Variants in ABLIM2 observed in about 807,000 individuals in gnomAD.
ABLIM2 encodes actin binding LIM protein family member 2.
Under a neutral mutation model 97.7 loss-of-function variants are expected in ABLIM2, and 53 were observed. The observed-to-expected ratio is 0.54, with a 90% CI of 0.44 to 0.68. The LOEUF is 0.68. ABLIM2 is among the 30% of genes least tolerant of loss of function. The pLI, the probability that ABLIM2 is intolerant of heterozygous loss-of-function variation, is 0.00. For synonymous variants in ABLIM2, 361 were observed against 345.8 expected, an observed-to-expected ratio of 1.04 and a Z score of -0.49; for missense variants, 835 against 867.2, an observed-to-expected ratio of 0.96 and a Z score of 0.47.
rs1407637055 is a variant in ABLIM2, at chr4:8,087,927, C to T, written c.454+242G>A. Among the ~76,000 whole-genome samples, 2 of 151,802 alleles carry T rather than the reference C, an allele frequency of 1.3e-5. No individual in the cohort carries two copies. The highest frequency in any genetic ancestry group is 2.9e-5 in the Non-Finnish European group (2 of 67,930). On this transcript the variant is annotated intron_variant, in intron 4 of 20. Transcript: ENST00000447017. This position sits in a 1 kb window ranked among gnomAD's most constrained non-coding sequence, Gnocchi z 4.6. ...TGCAGCTGCTGCTGCTCTGGGTCCC[C>T]GTTTCTCAGGCTCTGTCCCTGGGCA...
At chr4:8,143,463 T>C (rs368942669) in intron 1 of ABLIM2, among the ~76,000 whole-genome samples, 157 of 152,106 alleles carry the variant, frequency 1.0e-3, no homozygotes, top group South Asian at 7.7e-3. Context: ...AGGGCACGGA[T>C]GAAATTCCTC....
At chr4:8,088,469 G>C (rs1454773477) in intron 3 of ABLIM2, among the ~76,000 whole-genome samples, 185 bp from the exon 4 acceptor site, 1 of 152,194 alleles carries the variant, frequency 6.6e-6, no homozygotes, top group African/African-American at 2.4e-5. Flanking sequence ...TAGGACCTCA[G>C]GTAGTCATCG....
chr4:8,107,174 C>T (rs1265819100), intron 1 of ABLIM2, among the ~76,000 whole-genome samples: 4 of 152,366 alleles, frequency 2.6e-5, no homozygotes, highest in East Asian at 1.9e-4. Flanking sequence ...AATATTGCTG[C>T]GGTCCCCTTA....
chr4:8,089,780 G>T (rs989709006), intron 3 of ABLIM2, among the ~76,000 whole-genome samples: 1 of 150,604 alleles, frequency 6.6e-6, no homozygotes, highest in South Asian at 2.1e-4. Flanking sequence ...ACCTTTGTTG[G>T]GTTCTGTCTG....
rs1014607331 is a variant in ABLIM2 at position 8,019,964 on chromosome 4, A to C, written c.1369+238T>G. Among the ~76,000 whole-genome samples, 6 of 152,196 alleles carry C rather than the reference A, an allele frequency of 3.9e-5. No individual in the cohort carries two copies. The highest frequency in any genetic ancestry group is 1.2e-4 in the African/African-American group (5 of 41,438). ...TCCTTCACCCCATTCCCAGGAGGACAGGTGTATCTCCCTGCCGTTTGTGGG... is the reference window on the plus strand; with the variant it reads ...TCCTTCACCCCATTCCCAGGAGGACCGGTGTATCTCCCTGCCGTTTGTGGG... On this transcript the variant is annotated intron_variant, in intron 13 of 20. Coordinates refer to ENST00000447017, the MANE Select transcript of ABLIM2 (RefSeq NM_001130083.2). The surrounding 1 kb of genome is among the most constrained non-coding windows in gnomAD (Gnocchi z 4.3).
In ABLIM2 at chr4:8,097,080, C is replaced by T; in HGVS notation, c.338+19G>A. The T allele has an allele frequency of 6.3e-7, 1 of 1,591,720 alleles. No homozygotes were observed. Among genetic ancestry groups the T allele is most frequent in the East Asian group, 2.3e-5 (1 of 44,220 alleles). Reference sequence around the variant, plus strand: ...CCAGAGAGGCAGGGGAAGCAGAGGCCAGGTGCCCACTTACTCACCGGCAGA... The same window carrying T: ...CCAGAGAGGCAGGGGAAGCAGAGGCTAGGTGCCCACTTACTCACCGGCAGA... On this transcript the variant is annotated intron_variant, in intron 3 of 20. Transcript: ENST00000447017.
rs200311958 is a variant in ABLIM2, at chr4:8,080,809, G to C, written c.455-7C>G. The C allele has an allele frequency of 8.4e-5, 134 of 1,602,606 alleles. No homozygotes were observed. Among genetic ancestry groups the C allele is most frequent in the Non-Finnish European group, 1.0e-4 (117 of 1,173,002 alleles). On this transcript the variant is annotated splice_region_variant and splice_polypyrimidine_tract_variant and intron_variant, in intron 4 of 20. Coordinates refer to ENST00000447017, the MANE Select transcript of ABLIM2 (RefSeq NM_001130083.2). ...GTGCCGCAGCCCCCACAACCTGGAAGAAAGAGAAGAGAACACAGACACCCC... is the reference window on the plus strand; with the variant it reads ...GTGCCGCAGCCCCCACAACCTGGAACAAAGAGAAGAGAACACAGACACCCC...
rs372386495 is a variant in ABLIM2 at position 8,080,910 on chromosome 4, C to A, written c.455-108G>T. On this transcript the variant is annotated intron_variant, in intron 4 of 20. Coordinates refer to ENST00000447017, the MANE Select transcript of ABLIM2 (RefSeq NM_001130083.2). Reference sequence around the variant, plus strand: ...AGGCCCCTGGGGCAGCCGGGAGGGGCGGGACAGACCAGCAGCCACAGCGAG... The same window carrying A: ...AGGCCCCTGGGGCAGCCGGGAGGGGAGGGACAGACCAGCAGCCACAGCGAG... 89 of 1,378,652 alleles carry A rather than the reference C, an allele frequency of 6.5e-5. 1 individual carries two copies. Among genetic ancestry groups the A allele is most frequent in the Non-Finnish European group, 4.2e-5 (43 of 1,019,256 alleles). 85.4% of individuals were successfully genotyped at this position (1,378,652 alleles called of 1,614,324 possible).
At chr4:8,070,790 C>T (rs908502328) in intron 6 of ABLIM2, among the ~76,000 whole-genome samples, 1 of 151,878 alleles carries the variant, frequency 6.6e-6, no homozygotes, top group Non-Finnish European at 1.5e-5. Context: ...AGAGGAGGGG[C>T]AGAGGGAGGG....
chr4:8,105,336 C>G (rs1836768413), intron 2 of ABLIM2, among the ~76,000 whole-genome samples: 1 of 152,202 alleles, frequency 6.6e-6, no homozygotes, highest in African/African-American at 2.4e-5. Flanking sequence ...TGTTGCACAC[C>G]TTACCTAACA....
intron 8 of ABLIM2, among the ~76,000 whole-genome samples, 154 bp from the exon 9 acceptor site, chr4:8,045,395 A>C (rs1047867756): frequency 2.6e-5 from 4 of 152,222 alleles, no homozygotes; most frequent in African/African-American, 9.6e-5. Flanking sequence ...TCACGCCTAT[A>C]ATCCCAGCAC....
intron 9 of ABLIM2, among the ~76,000 whole-genome samples, chr4:8,040,935 C>T (rs188470320): frequency 4.7e-4 from 72 of 152,314 alleles, no homozygotes; most frequent in Admixed American, 2.6e-3. Context: ...GCATCAGCGA[C>T]GTGGGCACAC....
Position 8,127,569 on chromosome 4 carries a change from C to G in ABLIM2, c.11-20932G>C, listed in dbSNP as rs970481880. 1.6e-5 allele frequency: 21 copies of G among 1,289,702 alleles called. No individual in the cohort carries two copies. The Admixed American group carries it at 4.1e-4, about 25-fold the overall frequency. 79.9% of individuals were successfully genotyped at this position (1,289,702 alleles called of 1,614,324 possible). Reference sequence around the variant, plus strand: ...TACCTGTGTCTCCCCCTGGCACCCCCATGGAGCGTGGCTGCTTGCAAAGGG... The same window carrying G: ...TACCTGTGTCTCCCCCTGGCACCCCGATGGAGCGTGGCTGCTTGCAAAGGG... On this transcript the variant is annotated intron_variant, in intron 1 of 20. Transcript: ENST00000447017. The surrounding 1 kb of genome is among the most constrained non-coding windows in gnomAD (Gnocchi z 7.3).
intron 1 of ABLIM2, among the ~76,000 whole-genome samples, chr4:8,107,967 C>A (rs765029974): frequency 6.6e-6 from 1 of 152,158 alleles, no homozygotes; most frequent in Non-Finnish European, 1.5e-5. Context: ...AATGTGGGAG[C>A]CTTGGGAACT....
intron 6 of ABLIM2, among the ~76,000 whole-genome samples, chr4:8,070,458 C>G (rs756732400): frequency 6.6e-6 from 1 of 151,858 alleles, no homozygotes; most frequent in African/African-American, 2.4e-5. Context: ...CTTGAGAAGT[C>G]GCTATCACCT....
chr4:8,006,311 A>G (rs968417344), intron 16 of ABLIM2, among the ~76,000 whole-genome samples: 1 of 152,178 alleles, frequency 6.6e-6, no homozygotes, highest in Non-Finnish European at 1.5e-5. Context: ...CAGGCAGGCC[A>G]CAAACGTCAG....
Position 8,054,418 on chromosome 4 carries a change from T to G in ABLIM2, c.764-172A>C, listed in dbSNP as rs1797775438. ...GCTGGAGTTAGTGCCGGGCAGGGGG[T>G]ACCCAGATCACAGTCCCCGCCCCTC... is the stretch of plus-strand genomic sequence containing the variant. On this transcript the variant is annotated intron_variant, in intron 7 of 20. Transcript: ENST00000447017. The surrounding 1 kb of genome is among the most constrained non-coding windows in gnomAD (Gnocchi z 4.9). 6.6e-6 allele frequency among the ~76,000 whole-genome samples: 1 copy of G among 152,080 alleles called. No homozygotes were observed. Among genetic ancestry groups the G allele is most frequent in the African/African-American group, 2.4e-5 (1 of 41,394 alleles).
rs533558531 is a variant in ABLIM2, at chr4:8,072,325, G to T, written c.675+5303C>A. ...CTCCCAATCCATCAAGGGGAGGGGG[G>T]GCTGCCTGATGAAACCCACTTTGCT... On this transcript the variant is annotated intron_variant, in intron 6 of 20. Coordinates refer to ENST00000447017, the MANE Select transcript of ABLIM2 (RefSeq NM_001130083.2). This position sits in a 1 kb window ranked among gnomAD's most constrained non-coding sequence, Gnocchi z 5.8. 6.6e-6 allele frequency among the ~76,000 whole-genome samples: 1 copy of T among 150,924 alleles called. No homozygotes were observed. Among genetic ancestry groups the T allele is most frequent in the Non-Finnish European group, 1.5e-5 (1 of 68,028 alleles).
Position 8,023,451 on chromosome 4 carries a change from G to A in ABLIM2, c.1268-3148C>T, listed in dbSNP as rs1775296175. Among the ~76,000 whole-genome samples the A allele has an allele frequency of 6.6e-6, 1 of 152,262 alleles. No homozygotes were observed. Among genetic ancestry groups the A allele is most frequent in the African/African-American group, 2.4e-5 (1 of 41,470 alleles). Reference sequence around the variant, plus strand: ...ATGGCGATACTGGGCTTATGGGGTTGAGAAGGAAGCCCATGAGGTGAAGTG... The same window carrying A: ...ATGGCGATACTGGGCTTATGGGGTTAAGAAGGAAGCCCATGAGGTGAAGTG... On this transcript the variant is annotated intron_variant, in intron 12 of 20. Transcript: ENST00000447017. This position sits in a 1 kb window ranked among gnomAD's most constrained non-coding sequence, Gnocchi z 5.7.
Sources: gnomAD v4.1 joint callset for allele counts (sites outside exome capture counted in the v4.1 genomes callset) on GRCh38, gnomAD v4.1.1 for gene constraint, Gnocchi (gnomAD v3.1) non-coding constraint, MANE v1.5 for transcripts, NCBI Gene and HGNC (gene_info 2026-07-23, HGNC 2026-07-21) for gene names.